Variants in ITGBL1 observed in about 807,000 individuals in gnomAD.
ITGBL1 encodes integrin subunit beta like 1.
Under a neutral mutation model 68.5 loss-of-function variants are expected in ITGBL1, and 51 were observed. The observed-to-expected ratio is 0.74, with a 90% CI of 0.59 to 0.94. ITGBL1 has a LOEUF of 0.94. Ranked by LOEUF, ITGBL1 falls within the 40% of genes least tolerant of loss-of-function variation. ITGBL1 has a pLI of 0.00. For missense variants in ITGBL1, 649 were observed against 647.4 expected, an observed-to-expected ratio of 1.00 and a Z score of -0.03; for synonymous variants, 209 against 227.3, an observed-to-expected ratio of 0.92 and a Z score of 0.72.
chr13:101,545,696 C>A (rs917992068), intron 2 of ITGBL1, among the ~76,000 whole-genome samples: 3 of 151,938 alleles, frequency 2.0e-5, no homozygotes, highest in African/African-American at 7.3e-5. Flanking sequence ...TAAATATAAA[C>A]AATAAAAAAA....
At chr13:101,567,324 T>C (rs1377709557) in intron 2 of ITGBL1, among the ~76,000 whole-genome samples, 1 of 152,146 alleles carries the variant, frequency 6.6e-6, no homozygotes, top group East Asian at 1.9e-4. Context: ...TGTGGTTTAA[T>C]GTGTTATGTA....
chr13:101,634,505 A>T (rs557846676), intron 7 of ITGBL1, among the ~76,000 whole-genome samples: 102 of 152,300 alleles, frequency 6.7e-4, no homozygotes, highest in African/African-American at 2.3e-3. Context: ...AAAGTAAGAT[A>T]CTTTTCCAGT....
chr13:101,643,735 G>A (rs1189024457), intron 7 of ITGBL1, among the ~76,000 whole-genome samples: 2 of 152,088 alleles, frequency 1.3e-5, no homozygotes, highest in Non-Finnish European at 2.9e-5. Context: ...TCCACTGTAG[G>A]GGCTGGGAGA....
At chr13:101,603,115 A>T (rs2030491086) in intron 7 of ITGBL1, among the ~76,000 whole-genome samples, 1 of 151,964 alleles carries the variant, frequency 6.6e-6, no homozygotes, top group South Asian at 2.1e-4. Context: ...TTGCTGGGTC[A>T]TAGAGTGACT....
chr13:101,673,167 C>T (rs1232131200), intron 7 of ITGBL1, among the ~76,000 whole-genome samples: 3 of 152,178 alleles, frequency 2.0e-5, no homozygotes, highest in Non-Finnish European at 2.9e-5. Flanking sequence ...GAGACTCTTG[C>T]CCCTCTTAAT....
chr13:101,495,173 C>T (rs2139070576), intron 2 of ITGBL1, among the ~76,000 whole-genome samples: 1 of 152,186 alleles, frequency 6.6e-6, no homozygotes, highest in Middle Eastern at 3.4e-3. Flanking sequence ...ATTAATTGTC[C>T]AGAAAGAGTA....
chr13:101,590,403 C>T (rs2050631198), intron 6 of ITGBL1, among the ~76,000 whole-genome samples: 1 of 152,002 alleles, frequency 6.6e-6, no homozygotes, highest in Non-Finnish European at 1.5e-5. Context: ...ATTTTCCCTC[C>T]CCAGGGAGGG....
chr13:101,537,498 T>A (rs1469059987), intron 2 of ITGBL1, among the ~76,000 whole-genome samples: 1 of 152,032 alleles, frequency 6.6e-6, no homozygotes, highest in East Asian at 1.9e-4. Context: ...CACTGTGGCC[T>A]TGGAAAAGGT....
chr13:101,541,225 C>T (rs2049693221), intron 2 of ITGBL1, among the ~76,000 whole-genome samples: 1 of 150,870 alleles, frequency 6.6e-6, no homozygotes, highest in Non-Finnish European at 1.5e-5. Context: ...TGAGATACGT[C>T]CCATCAATAC....
chr13:101,488,723 A>G (rs1008145099), intron 2 of ITGBL1, among the ~76,000 whole-genome samples: 1 of 152,206 alleles, frequency 6.6e-6, no homozygotes, highest in African/African-American at 2.4e-5. Context: ...GACAACAGCA[A>G]TAATTTTGCG....
chr13:101,704,152 G>A (rs2034199957), intron 8 of ITGBL1, among the ~76,000 whole-genome samples: 1 of 152,166 alleles, frequency 6.6e-6, no homozygotes. Flanking sequence ...GGTGTCTGGT[G>A]TCTGTGAGCA....
intron 3 of ITGBL1, among the ~76,000 whole-genome samples, chr13:101,572,207 G>A (rs2050284887): frequency 6.6e-6 from 1 of 151,986 alleles, no homozygotes; most frequent in South Asian, 2.1e-4. Context: ...AATTGCATTA[G>A]CCTATGAAGT....
At chr13:101,588,691 A>AT (rs1248816358) in intron 6 of ITGBL1, among the ~76,000 whole-genome samples, 4 of 63,272 alleles carry the variant, frequency 6.3e-5, no homozygotes, top group African/African-American at 1.3e-4. Context: ...CTATTTGTCT[A>AT]TTAAAAAAAA....
At chr13:101,633,798 T>C (rs2032071958) in intron 7 of ITGBL1, among the ~76,000 whole-genome samples, 1 of 152,212 alleles carries the variant, frequency 6.6e-6, no homozygotes, top group Non-Finnish European at 1.5e-5. Context: ...ACAAATAGTC[T>C]ATATCTCATA....
In ITGBL1 at chr13:101,548,756, TAATA is replaced by T. The variant is rs148148945; in HGVS notation, c.317-18941_317-18938del. 9.3e-3 allele frequency among the ~76,000 whole-genome samples: 1,408 copies of T among 151,928 alleles called. 25 individuals are homozygous for T. The highest frequency in any genetic ancestry group is 0.032 in the African/African-American group (1,326 of 41,554). On this transcript the variant is annotated intron_variant, in intron 2 of 10. Transcript: ENST00000376180. The stretch of plus-strand genomic sequence containing the variant: ...TCTGAAACAAAAGGATTATTAGAAT[TAATA>T]AGAGAATATAGTAGACAATTTATTG...
intron 7 of ITGBL1, among the ~76,000 whole-genome samples, chr13:101,616,277 A>G (rs1406931000): frequency 6.6e-6 from 1 of 152,134 alleles, no homozygotes; most frequent in Non-Finnish European, 1.5e-5. Context: ...AGGATATGAT[A>G]AGTTCAGGTA....
At chr13:101,456,588 C>T (rs1566682555) in intron 2 of ITGBL1, among the ~76,000 whole-genome samples, 1 of 152,182 alleles carries the variant, frequency 6.6e-6, no homozygotes. Flanking sequence ...CAAAATCCTT[C>T]TCTTATAGTA....
chr13:101,492,654 A>G (rs1379928258), intron 2 of ITGBL1, among the ~76,000 whole-genome samples: 1 of 152,052 alleles, frequency 6.6e-6, no homozygotes, highest in East Asian at 1.9e-4. Context: ...AAATTCCTCA[A>G]AGCTTGAAAG....
Position 101,579,396 on chromosome 13 carries a change from G to C in ITGBL1, c.696G>C (p.Thr232=). The C allele has an allele frequency of 1.2e-6, 2 of 1,613,790 alleles. No individual in the cohort carries two copies. The highest frequency in any genetic ancestry group is 1.7e-6 in the Non-Finnish European group (2 of 1,179,872). Reference sequence around the variant, plus strand: ...CCTGGGAAAGCAAGCGAAGATGCACGTCTCCAGATGGCAAAATCTGCAGTA... The same window carrying C: ...CCTGGGAAAGCAAGCGAAGATGCACCTCTCCAGATGGCAAAATCTGCAGTA... ...ITPWESKRRC[T]SPDGKICSNR... The change falls in exon 5 of 11, where the codon ACG becomes ACC. Residue 232 remains threonine (T), a synonymous_variant. Coordinates refer to ENST00000376180, the MANE Select transcript of ITGBL1 (RefSeq NM_004791.3).
Sources: allele counts gnomAD v4.1 joint callset (sites outside exome capture counted in the v4.1 genomes callset), GRCh38; gene constraint gnomAD v4.1.1; transcripts MANE v1.5; gene names NCBI Gene and HGNC (gene_info 2026-07-23, HGNC 2026-07-21).